The following RTEL1 variants were observed in gnomAD, a reference collection of about 807,000 sequenced individuals.
RTEL1 encodes regulator of telomere length.
Under a neutral mutation model 162.2 loss-of-function variants are expected in RTEL1, and 86 were observed. That is an observed-to-expected ratio of 0.53 (90% CI 0.45 to 0.63). RTEL1 has a LOEUF of 0.63. Ranked by LOEUF, RTEL1 falls within the 30% of genes least tolerant of loss-of-function variation. The probability of loss-of-function intolerance (pLI) is 0.00; values close to 1 mark genes in which losing one functional copy is unlikely to be tolerated. For synonymous variants in RTEL1, 958 were observed against 717.9 expected, an observed-to-expected ratio of 1.33 and a Z score of -5.35; for missense variants, 1,941 against 1,750.2, an observed-to-expected ratio of 1.11 and a Z score of -1.95.
At position 63,694,724 on chromosome 20, in the gene RTEL1, T is replaced by C. The variant is rs192060579; in HGVS notation, c.3110-17T>C. On this transcript the variant is annotated splice_polypyrimidine_tract_variant and intron_variant, in intron 31 of 34. Coordinates refer to ENST00000360203, the MANE Select transcript of RTEL1 (RefSeq NM_001283009.2). ...TCCACCCCAGCGCCACTCTGAGCCA[T>C]GCTACTCCCACACCAGGAGACCCTG... The C allele has an allele frequency of 6.1e-4, 967 of 1,584,708 alleles. 4 individuals are homozygous for C. The African/African-American group carries it at 0.012, about 19-fold the overall frequency.
chr20:63,695,888 CGT>C lies in RTEL1; in HGVS notation c.*32_*33del, dbSNP rs2090968597. 1 of 1,551,896 alleles carries C rather than the reference CGT, an allele frequency of 6.4e-7. No homozygotes were observed. The highest frequency in any genetic ancestry group is 1.4e-5 in the African/African-American group (1 of 73,712). ...CCACGGAGGCCCCCAGCACACCCAA[CGT>C]GGCTTGATCACCTGCCTGTCCAGCT... is the stretch of plus-strand genomic sequence containing the variant. On this transcript the variant is annotated 3_prime_UTR_variant, in exon 35 of 35. Coordinates refer to ENST00000360203, the MANE Select transcript of RTEL1 (RefSeq NM_001283009.2).
intron 13 of RTEL1, among the ~76,000 whole-genome samples, chr20:63,680,436 ACTGACCC>A (rs2090455930): frequency 6.6e-6 from 1 of 152,078 alleles, no homozygotes; most frequent in East Asian, 1.9e-4. Flanking sequence ...TTCAAGTCCC[ACTGACCC>A]CCTTGGAGAC....
At chr20:63,690,465 G>T in intron 26 of RTEL1, 24 bp downstream of exon 26, 2 of 1,542,058 alleles carry the variant, frequency 1.3e-6, no homozygotes, top group Non-Finnish European at 1.7e-6. Flanking sequence ...GCGCTGGGTG[G>T]GCGGTGTGGG....
At chr20:63,679,635 T>G (rs138519985) in intron 12 of RTEL1, among the ~76,000 whole-genome samples, 12 of 152,258 alleles carry the variant, frequency 7.9e-5, no homozygotes, top group Admixed American at 1.3e-4. Context: ...TGAATTTGTT[T>G]CCGAGGGAAG....
At chr20:63,692,255 TCTGGGAAGAA>T (rs1259418808) in intron 28 of RTEL1, 1 of 222,936 alleles carries the variant, frequency 4.5e-6, no homozygotes, top group African/African-American at 2.3e-5. Flanking sequence ...TCCCTTGGCT[TCTGGGAAGAA>T]CTGGGTGGTG....
intron 14 of RTEL1, chr20:63,681,052 C>T: frequency 2.0e-6 from 2 of 985,432 alleles, no homozygotes; most frequent in African/African-American, 3.5e-5. Context: ...CCAGCAGCCC[C>T]AGCTGCACGC....
In RTEL1 at chr20:63,694,468, C is replaced by CG; in HGVS notation, c.3090dup (p.Pro1031AlafsTer36). The stretch of plus-strand genomic sequence containing the variant: ...CTGAACCAGGGCAGGCCCCACCTGT[C>CG]GCCCAGGCCACCCCCAACAGGTAGC... On this transcript the variant is annotated frameshift_variant, in exon 31 of 35. Coordinates refer to ENST00000360203, the MANE Select transcript of RTEL1 (RefSeq NM_001283009.2). LOFTEE classifies it high-confidence loss of function. The CG allele has an allele frequency of 6.2e-7, 1 of 1,601,924 alleles. No homozygotes were observed. Among genetic ancestry groups the CG allele is most frequent in the Non-Finnish European group, 8.5e-7 (1 of 1,171,210 alleles).
At position 63,685,772 on chromosome 20, in the gene RTEL1, C is replaced by G. The variant is rs201729178; in HGVS notation, c.1267-19C>G. 1 of 1,609,914 alleles carries G rather than the reference C, an allele frequency of 6.2e-7. No individual in the cohort carries two copies. The highest frequency in any genetic ancestry group is 2.2e-5 in the East Asian group (1 of 44,792). On this transcript the variant is annotated intron_variant, in intron 15 of 34. Transcript: ENST00000360203. ...GGACATGGGCGGGGCCTCCACACTCCTGGTCCTGTCCCCTCCAGGTGCACA... is the reference window on the plus strand; with the variant it reads ...GGACATGGGCGGGGCCTCCACACTCGTGGTCCTGTCCCCTCCAGGTGCACA...
At chr20:63,674,889 C>A (rs1363389609) in intron 10 of RTEL1, among the ~76,000 whole-genome samples, 5 of 151,668 alleles carry the variant, frequency 3.3e-5, no homozygotes, top group African/African-American at 9.7e-5. Flanking sequence ...TGGATGTTGT[C>A]AGTTGGTCTA....
Position 63,688,134 on chromosome 20 carries a change from T to A in RTEL1, c.1596-5T>A, listed in dbSNP as rs1367203448. The A allele has an allele frequency of 1.2e-6, 2 of 1,612,508 alleles. No individual in the cohort carries two copies. The highest frequency in any genetic ancestry group is 1.7e-6 in the Non-Finnish European group (2 of 1,179,924). On this transcript the variant is annotated splice_polypyrimidine_tract_variant and splice_region_variant and intron_variant, in intron 18 of 34. Coordinates refer to ENST00000360203, the MANE Select transcript of RTEL1 (RefSeq NM_001283009.2). Reference sequence around the variant, plus strand: ...GGTCCTGAGCAGTGGCCTCTCCGGCTCTAGGTTTTCCGAGGAGTGCTTATC... The same window carrying A: ...GGTCCTGAGCAGTGGCCTCTCCGGCACTAGGTTTTCCGAGGAGTGCTTATC...
chr20:63,667,541 G>C lies in RTEL1; in HGVS notation c.687G>C (p.Leu229Phe), dbSNP rs2090161152. 1.2e-6 allele frequency: 2 copies of C among 1,613,782 alleles called. No homozygotes were observed. The highest frequency in any genetic ancestry group is 2.7e-5 in the African/African-American group (2 of 74,910). ...ADIIFMPYNY[L>F]LDAKSRRAHN... ...TCATATTCATGCCGTACAATTACTT[G>C]TTGGATGCCAAGGTGGGGGCTCAGT... The change falls in exon 8 of 35, where the codon TTG becomes TTC. Residue 229 changes from leucine (L) to phenylalanine (F), a missense_variant. Transcript: ENST00000360203.
rs1472737383 is a variant in RTEL1, at chr20:63,685,833, C to T, written c.1309C>T (p.Arg437Trp). 6.2e-6 allele frequency: 10 copies of T among 1,612,508 alleles called. No individual in the cohort carries two copies. The highest frequency in any genetic ancestry group is 4.4e-5 in the South Asian group (4 of 91,034). Residue 437 changes from arginine to tryptophan, a missense_variant, in exon 16 of 35, where the codon CGG becomes TGG. Physicochemically the swap from Arg to Trp is moderately radical, Grantham distance 101 (BLOSUM62 -3). Coordinates refer to ENST00000360203, the MANE Select transcript of RTEL1 (RefSeq NM_001283009.2). ...PDAGHRRTAQRSDAWSTTAAR... is the reference protein window; with the variant it reads ...PDAGHRRTAQWSDAWSTTAAR... The stretch of plus-strand genomic sequence containing the variant: ...TGCTGGTCACCGGAGGACGGCTCAG[C>T]GGTCTGATGCCTGGAGCACCACTGC...
At chr20:63,667,624 C>T (rs1462690442) in intron 8 of RTEL1, 71 bp downstream of exon 8, 9 of 1,251,744 alleles carry the variant, frequency 7.2e-6, no homozygotes, top group Middle Eastern at 2.0e-4. Flanking sequence ...AACAGCTGTC[C>T]GAGCCTTTGC....
chr20:63,677,306 C>G (rs972950247), intron 10 of RTEL1, among the ~76,000 whole-genome samples: 7 of 152,164 alleles, frequency 4.6e-5, no homozygotes, highest in African/African-American at 1.7e-4. Flanking sequence ...GGTGTGTTCA[C>G]AAATGTTAAT....
At chr20:63,662,377 A>AC (rs1466856191) in intron 4 of RTEL1, 169 bp from the exon 5 acceptor site, 15 of 1,370,162 alleles carry the variant, frequency 1.1e-5, no homozygotes, top group Non-Finnish European at 1.5e-5. Context: ...TCTGTCCAGT[A>AC]CCCCCGCTCG....
At chr20:63,689,296 G>A (rs2090669214) in intron 22 of RTEL1, among the ~76,000 whole-genome samples, 164 bp downstream of exon 22, 1 of 152,214 alleles carries the variant, frequency 6.6e-6, no homozygotes. Context: ...TCTGGGCCTG[G>A]GCAGGCAGGA....
In RTEL1 at chr20:63,694,066, C is replaced by T. The variant is rs556218345; in HGVS notation, c.2993-306C>T. On this transcript the variant is annotated intron_variant, in intron 30 of 34. Coordinates refer to ENST00000360203, the MANE Select transcript of RTEL1 (RefSeq NM_001283009.2). The stretch of plus-strand genomic sequence containing the variant: ...CTAGTTCACCCAGGGGGGAACCTAG[C>T]CTGTTGGGACGACCCCAGATCCCTT... Among the ~76,000 whole-genome samples, 10 of 152,180 alleles carry T rather than the reference C, an allele frequency of 6.6e-5. No individual in the cohort carries two copies. The East Asian group carries it at 9.8e-4, about 15-fold the overall frequency.
At chr20:63,673,887 G>A in intron 9 of RTEL1, 53 bp from the exon 10 acceptor site, 1 of 1,531,928 alleles carries the variant, frequency 6.5e-7, no homozygotes, top group African/African-American at 1.4e-5. Flanking sequence ...CTGCTTTCTG[G>A]AACCCCCGAT....
rs185363013 is a variant in RTEL1, at chr20:63,679,497, C to T, written c.1038-352C>T. On this transcript the variant is annotated intron_variant, in intron 12 of 34. Coordinates refer to ENST00000360203, the MANE Select transcript of RTEL1 (RefSeq NM_001283009.2). Reference sequence around the variant, plus strand: ...TGACCCCATCCCTCCCCTCTGACGGCGGCCCCTGCTCTGAGGCGGCTTCTT... The same window carrying T: ...TGACCCCATCCCTCCCCTCTGACGGTGGCCCCTGCTCTGAGGCGGCTTCTT... Among the ~76,000 whole-genome samples, 5 of 152,254 alleles carry T rather than the reference C, an allele frequency of 3.3e-5. No homozygotes were observed. The East Asian group carries it at 7.7e-4, about 24-fold the overall frequency.
Sources: allele counts gnomAD v4.1 joint callset (sites outside exome capture counted in the v4.1 genomes callset), GRCh38; gene constraint gnomAD v4.1.1; transcripts MANE v1.5; gene names NCBI Gene and HGNC (gene_info 2026-07-23, HGNC 2026-07-21).